The following TFAP2D variants were observed in gnomAD, a reference collection of about 807,000 sequenced individuals.
TFAP2D encodes transcription factor AP-2 delta.
Under a neutral mutation model 43.6 loss-of-function variants are expected in TFAP2D, and 9 were observed. The observed-to-expected ratio is 0.21, with a 90% CI of 0.12 to 0.36. The LOEUF (loss-of-function observed/expected upper bound fraction) is 0.36, where lower values mean the gene tolerates loss of function less well. Among genes scored for constraint, TFAP2D ranks in the 10% least tolerant of loss-of-function variants. The pLI is 1.00. For missense variants in TFAP2D, 513 were observed against 561.4 expected (o/e 0.91, Z 0.87); for synonymous variants, 256 against 224.9 (o/e 1.14, Z -1.24).
chr6:50,763,276 G>A (rs1198757644), intron 7 of TFAP2D, among the ~76,000 whole-genome samples: 1 of 152,148 alleles, frequency 6.6e-6, no homozygotes, highest in Admixed American at 6.6e-5. Flanking sequence ...GTCCAGCAGA[G>A]TGGGATTAAT....
intron 3 of TFAP2D, among the ~76,000 whole-genome samples, chr6:50,723,931 A>G (rs1230692479): frequency 6.6e-6 from 1 of 152,162 alleles, no homozygotes; most frequent in East Asian, 1.9e-4. Context: ...TCTGCCTGGA[A>G]TCTACAAAAG....
In TFAP2D at chr6:50,743,108, C is replaced by A. The variant is rs138515504; in HGVS notation, c.884-1999C>A. On this transcript the variant is annotated intron_variant, in intron 5 of 7. Coordinates refer to ENST00000008391, the MANE Select transcript of TFAP2D (RefSeq NM_172238.4). ...TATAGAGATCCCTTCCATTTAGTTA[C>A]ATCATCTCTCTATTTAAAATAGAAG... Among the ~76,000 whole-genome samples the A allele has an allele frequency of 2.1e-3, 326 of 152,120 alleles. 2 individuals carry two copies. Among genetic ancestry groups the A allele is most frequent in the African/African-American group, 7.5e-3 (310 of 41,514 alleles).
intron 2 of TFAP2D, among the ~76,000 whole-genome samples, 161 bp from the exon 3 acceptor site, chr6:50,718,929 A>T (rs984909315): frequency 6.6e-6 from 1 of 152,200 alleles, no homozygotes; most frequent in Non-Finnish European, 1.5e-5. Context: ...GCAATTTTTT[A>T]AAAAATTGTG....
Position 50,745,093 on chromosome 6 carries a change from T to C in TFAP2D, c.884-14T>C. ...GATACTGGTGAGAAACTCACTTGTGTTATCTGCCAACAGGGGAGGCTTTGC... is the reference window on the plus strand; with the variant it reads ...GATACTGGTGAGAAACTCACTTGTGCTATCTGCCAACAGGGGAGGCTTTGC... On this transcript the variant is annotated splice_polypyrimidine_tract_variant and intron_variant, in intron 5 of 7. Coordinates refer to ENST00000008391, the MANE Select transcript of TFAP2D (RefSeq NM_172238.4). 2 of 1,612,940 alleles carry C rather than the reference T, an allele frequency of 1.2e-6. No homozygotes were observed. Among genetic ancestry groups the C allele is most frequent in the Middle Eastern group, 1.7e-4 (1 of 6,040 alleles).
intron 5 of TFAP2D, among the ~76,000 whole-genome samples, chr6:50,731,226 C>G (rs1050125003): frequency 6.6e-6 from 1 of 152,224 alleles, no homozygotes; most frequent in African/African-American, 2.4e-5. Flanking sequence ...TCAGAGATAG[C>G]TATCAGCCTT....
At chr6:50,764,618 G>A (rs1451033855) in intron 7 of TFAP2D, among the ~76,000 whole-genome samples, 1 of 152,132 alleles carries the variant, frequency 6.6e-6, no homozygotes, top group Non-Finnish European at 1.5e-5. Context: ...AACTGTTTAA[G>A]GAAAAAATAT....
At chr6:50,746,868 A>C (rs1043240374) in intron 6 of TFAP2D, among the ~76,000 whole-genome samples, 8 of 152,116 alleles carry the variant, frequency 5.3e-5, no homozygotes, top group Non-Finnish European at 7.4e-5. Context: ...GCTGTTCTGA[A>C]AGTACTAGAT....
chr6:50,758,455 C>T (rs1320273957), intron 7 of TFAP2D, among the ~76,000 whole-genome samples: 2 of 151,914 alleles, frequency 1.3e-5, no homozygotes, highest in African/African-American at 4.8e-5. Flanking sequence ...TACTTTCATC[C>T]TGGTTCCCTC....
chr6:50,754,828 T>G (rs1183687069), intron 7 of TFAP2D, among the ~76,000 whole-genome samples: 2 of 151,996 alleles, frequency 1.3e-5, no homozygotes, highest in Non-Finnish European at 2.9e-5. Flanking sequence ...TATTTTTTTT[T>G]ATTAAGCTGG....
chr6:50,772,965 A>T lies in TFAP2D; in HGVS notation c.*101A>T. ...CTAATCTTCAGTGGACCAAATCTCT[A>T]CCCTTCCCCAACCCTCCATAAAAAA... is the stretch of plus-strand genomic sequence containing the variant. On this transcript the variant is annotated 3_prime_UTR_variant, in exon 8 of 8. Coordinates refer to ENST00000008391, the MANE Select transcript of TFAP2D (RefSeq NM_172238.4). 1 of 1,096,162 alleles carries T rather than the reference A, an allele frequency of 9.1e-7. No homozygotes were observed. The highest frequency in any genetic ancestry group is 1.7e-5 in the South Asian group (1 of 57,790). The allele number at this position is 1,096,162 out of a possible 1,614,324, so 67.9% of individuals were successfully genotyped here.
chr6:50,743,629 C>T (rs972127969), intron 5 of TFAP2D, among the ~76,000 whole-genome samples: 1 of 152,016 alleles, frequency 6.6e-6, no homozygotes, highest in African/African-American at 2.4e-5. Context: ...AAGGGGTTCT[C>T]CCGCTTCTGC....
In TFAP2D at chr6:50,714,064, T is replaced by C; in HGVS notation, c.9T>C (p.Thr3=). 4 of 1,612,170 alleles carry C rather than the reference T, an allele frequency of 2.5e-6. No individual in the cohort carries two copies. The highest frequency in any genetic ancestry group is 3.4e-6 in the Non-Finnish European group (4 of 1,179,496). The change falls in exon 1 of 8, where the codon ACT becomes ACC. Residue 3 remains threonine (T), a synonymous_variant. Coordinates refer to ENST00000008391, the MANE Select transcript of TFAP2D (RefSeq NM_172238.4). The part of the protein sequence containing the change: MS[T]TFPGLVHDAE... ...TTTCGGAGAAACCCAACATGTCAAC[T>C]ACCTTTCCGGGACTAGTCCACGATG... is the stretch of plus-strand genomic sequence containing the variant.
intron 1 of TFAP2D, 94 bp from the exon 2 acceptor site, chr6:50,715,022 G>A: frequency 6.6e-7 from 1 of 1,504,730 alleles, no homozygotes; most frequent in Non-Finnish European, 8.9e-7. Flanking sequence ...TGGAGTGCCA[G>A]AGAAAGCTCC....
chr6:50,729,714 A>G (rs1485248265), intron 5 of TFAP2D, among the ~76,000 whole-genome samples: 1 of 152,160 alleles, frequency 6.6e-6, no homozygotes, highest in Non-Finnish European at 1.5e-5. Context: ...CTTTATGAAG[A>G]GTTCACAGGG....
At chr6:50,731,972 G>GCCTA (rs1768901225) in intron 5 of TFAP2D, among the ~76,000 whole-genome samples, 2 of 152,098 alleles carry the variant, frequency 1.3e-5, no homozygotes, top group East Asian at 3.9e-4. Flanking sequence ...GATCCAACAT[G>GCCTA]GGTCTAATGT....
chr6:50,757,491 A>AC (rs1769292731), intron 7 of TFAP2D, among the ~76,000 whole-genome samples: 1 of 96,280 alleles, frequency 1.0e-5, no homozygotes, highest in Non-Finnish European at 1.9e-5. Context: ...ATATATATAT[A>AC]ATATATATAA....
rs373341122 is a variant in TFAP2D at position 50,723,418 on chromosome 6, T to C, written c.598+4268T>C. ...TTCAGCAGCTCCTGAAGGAGTACAA[T>C]TGGAGGAGCGTGGGAAGCCTTGCTC... On this transcript the variant is annotated intron_variant, in intron 3 of 7. Coordinates refer to ENST00000008391, the MANE Select transcript of TFAP2D (RefSeq NM_172238.4). Among the ~76,000 whole-genome samples the C allele has an allele frequency of 1.1e-4, 17 of 152,310 alleles. No individual in the cohort carries two copies. The South Asian group carries it at 1.7e-3, about 15-fold the overall frequency.
chr6:50,737,862 A>C (rs1242915601), intron 5 of TFAP2D, among the ~76,000 whole-genome samples: 2 of 152,184 alleles, frequency 1.3e-5, no homozygotes, highest in East Asian at 1.9e-4. Context: ...ATAGTGGTTC[A>C]ATGAAGAACC....
intron 7 of TFAP2D, among the ~76,000 whole-genome samples, chr6:50,762,397 A>G (rs1323753861): frequency 3.3e-5 from 5 of 151,978 alleles, no homozygotes; most frequent in Admixed American, 3.3e-4. Context: ...ACACAAACAC[A>G]CTACACACAC....
Sources: gnomAD v4.1 joint callset for allele counts (sites outside exome capture counted in the v4.1 genomes callset) on GRCh38, gnomAD v4.1.1 for gene constraint, MANE v1.5 for transcripts, NCBI Gene and HGNC (gene_info 2026-07-23, HGNC 2026-07-21) for gene names.